MYOM2: variants seen among roughly 807,000 people sequenced by gnomAD.
MYOM2 encodes myomesin 2.
Under a neutral mutation model 187.6 loss-of-function variants are expected in MYOM2, and 254 were observed. That is an observed-to-expected ratio of 1.35 (90% CI 1.22 to 1.50). The LOEUF (loss-of-function observed/expected upper bound fraction) is 1.50, where lower values mean the gene tolerates loss of function less well. Ranked by LOEUF, MYOM2 falls within the 40% of genes most tolerant of loss-of-function variation. The pLI, the probability that MYOM2 is intolerant of heterozygous loss-of-function variation, is 0.00. For synonymous variants in MYOM2, 981 were observed against 753.8 expected, an observed-to-expected ratio of 1.30 and a Z score of -4.94; for missense variants, 2,796 against 1,924.0, an observed-to-expected ratio of 1.45 and a Z score of -8.48.
intron 2 of MYOM2, among the ~76,000 whole-genome samples, chr8:2,051,185 C>T (rs1415900361): frequency 6.6e-6 from 1 of 152,132 alleles, no homozygotes; most frequent in Non-Finnish European, 1.5e-5. Context: ...AAAAAGCCAC[C>T]CAAAATAAAA....
chr8:2,135,275 C>T (rs1479464690), intron 32 of MYOM2, among the ~76,000 whole-genome samples: 2 of 152,170 alleles, frequency 1.3e-5, no homozygotes, highest in Admixed American at 6.5e-5. Flanking sequence ...TTTAGCCATA[C>T]AGTATCAAAT....
At chr8:2,054,043 C>T (rs570144429) in intron 3 of MYOM2, among the ~76,000 whole-genome samples, 2 of 152,196 alleles carry the variant, frequency 1.3e-5, no homozygotes, top group Non-Finnish European at 2.9e-5. Flanking sequence ...GAGCCCCGTG[C>T]TGAGTGATGT....
intron 35 of MYOM2, among the ~76,000 whole-genome samples, chr8:2,142,685 CCCTT>C (rs1459980056): frequency 7.0e-6 from 1 of 142,404 alleles, no homozygotes; most frequent in African/African-American, 2.6e-5. Flanking sequence ...TTCTTTCCCT[CCCTT>C]CCTCCCTCCC....
chr8:2,122,454 G>A (rs1045307876), intron 28 of MYOM2, among the ~76,000 whole-genome samples: 1 of 152,216 alleles, frequency 6.6e-6, no homozygotes, highest in Non-Finnish European at 1.5e-5. Flanking sequence ...CGAGAACGAT[G>A]CCATTTCCCA....
At chr8:2,081,789 C>G (rs1234884470) in intron 13 of MYOM2, 1 of 152,266 alleles carries the variant, frequency 6.6e-6, no homozygotes, top group African/African-American at 2.4e-5. Context: ...AGAAAGAGCG[C>G]GTGTCCTGAG....
chr8:2,089,232 G>GTTTTTT (rs1796208779), intron 14 of MYOM2, among the ~76,000 whole-genome samples: 2 of 151,718 alleles, frequency 1.3e-5, no homozygotes, highest in Non-Finnish European at 1.5e-5. Context: ...TGTAATCAAG[G>GTTTTTT]TTTTTAAAGT....
intron 14 of MYOM2, among the ~76,000 whole-genome samples, chr8:2,089,118 T>A (rs1796198197): frequency 8.5e-6 from 1 of 117,604 alleles, no homozygotes; most frequent in Non-Finnish European, 1.9e-5. Context: ...GCTATCTGAA[T>A]TTTCAGCAGG....
At chr8:2,058,409 A>G (rs1818745860) in intron 5 of MYOM2, among the ~76,000 whole-genome samples, 1 of 152,170 alleles carries the variant, frequency 6.6e-6, no homozygotes, top group African/African-American at 2.4e-5. Context: ...CTGTACACAA[A>G]ACTGGAAAGT....
chr8:2,092,608 A>G (rs907880045), intron 16 of MYOM2, 88 bp downstream of exon 16: 3 of 1,399,076 alleles, frequency 2.1e-6, no homozygotes, highest in South Asian at 1.4e-5. Flanking sequence ...AGGGAGTACC[A>G]TGGCCGCAAG....
intron 5 of MYOM2, 138 bp downstream of exon 5, chr8:2,057,918 T>A (rs978341435): frequency 1.2e-6 from 1 of 861,720 alleles, no homozygotes; most frequent in African/African-American, 1.7e-5. Flanking sequence ...AATATGTTTA[T>A]AGAAGCTCTG....
intron 11 of MYOM2, among the ~76,000 whole-genome samples, chr8:2,077,631 C>G (rs530552504): frequency 7.9e-5 from 12 of 152,290 alleles, no homozygotes; most frequent in African/African-American, 2.9e-4. Flanking sequence ...AACAAACCCT[C>G]AAAACGATCT....
At chr8:2,114,338 G>A (rs1797166329) in intron 25 of MYOM2, among the ~76,000 whole-genome samples, 1 of 152,216 alleles carries the variant, frequency 6.6e-6, no homozygotes, top group African/African-American at 2.4e-5. Flanking sequence ...GCAAAGTAGT[G>A]TTCTCAGACC....
chr8:2,046,678 G>C (rs1291454783), intron 1 of MYOM2, among the ~76,000 whole-genome samples: 1 of 152,038 alleles, frequency 6.6e-6, no homozygotes, highest in African/African-American at 2.4e-5. Flanking sequence ...CAATGCGCCT[G>C]AGCCCCAGGG....
At chr8:2,050,019 C>A (rs117305165) in intron 1 of MYOM2, among the ~76,000 whole-genome samples, 3 of 152,146 alleles carry the variant, frequency 2.0e-5, no homozygotes, top group Admixed American at 6.5e-5. Flanking sequence ...AGACTTCAGA[C>A]GGCAGATTCC....
intron 14 of MYOM2, among the ~76,000 whole-genome samples, chr8:2,089,710 A>G (rs1457167565): frequency 1.3e-5 from 2 of 152,230 alleles, no homozygotes; most frequent in Non-Finnish European, 1.5e-5. Flanking sequence ...CTATTTTGCT[A>G]AAACTACTAC....
chr8:2,140,863 G>A lies in MYOM2; in HGVS notation c.3941G>A (p.Arg1314His), dbSNP rs767285909. The change falls in exon 33 of 37, where the codon CGC (arginine) becomes CAC (histidine). Residue 1314 changes from arginine to histidine, a missense_variant. By Grantham distance (29) the Arg-to-His change is conservative (BLOSUM62 0). Coordinates refer to ENST00000262113, the MANE Select transcript of MYOM2 (RefSeq NM_003970.4). ...EIFDGKDNHQ[R>H]SLDLSGQAFD... is the part of the protein sequence containing the mutation. The stretch of plus-strand genomic sequence containing the variant: ...TTCGATGGCAAAGACAACCATCAAC[G>A]CTCCCTTGACCTGTCCGGACAAGGT... 13 of 1,613,864 alleles carry A rather than the reference G, an allele frequency of 8.1e-6. No homozygotes were observed. Among genetic ancestry groups the A allele is most frequent in the African/African-American group, 1.3e-5 (1 of 75,018 alleles).
At chr8:2,108,921 T>C in intron 24 of MYOM2, 91 bp downstream of exon 24, 1 of 1,300,000 alleles carries the variant, frequency 7.7e-7, no homozygotes, top group Non-Finnish European at 1.1e-6. Flanking sequence ...AGAACAGCTT[T>C]GGGGAAAGGA....
intron 32 of MYOM2, among the ~76,000 whole-genome samples, chr8:2,132,188 A>G (rs1053255737): frequency 3.3e-5 from 5 of 152,186 alleles, no homozygotes; most frequent in Admixed American, 3.3e-4. Flanking sequence ...CACAAAACCT[A>G]TGAAGCCAGG....
At chr8:2,092,646 C>A (rs1227223151) in intron 16 of MYOM2, 126 bp downstream of exon 16, 1 of 996,458 alleles carries the variant, frequency 1.0e-6, no homozygotes, top group Non-Finnish European at 1.4e-6. Flanking sequence ...TCTGTCTTAG[C>A]CACACACAAG....
Sources: allele counts gnomAD v4.1 joint callset (sites outside exome capture counted in the v4.1 genomes callset), GRCh38; gene constraint gnomAD v4.1.1; transcripts MANE v1.5; gene names NCBI Gene and HGNC (gene_info 2026-07-23, HGNC 2026-07-21).